Variants in PKHD1L1 observed in about 807,000 individuals in gnomAD.
PKHD1L1 encodes PKHD1 like 1, also known as fibrocystin-L.
Under a neutral mutation model 462.9 loss-of-function variants are expected in PKHD1L1, and 434 were observed. That is an observed-to-expected ratio of 0.94 (90% CI 0.87 to 1.02). The LOEUF is 1.02. Among genes scored for constraint, PKHD1L1 ranks in the 50% least tolerant of loss-of-function variants. The pLI, the probability that PKHD1L1 is intolerant of heterozygous loss-of-function variation, is 0.00. For synonymous variants in PKHD1L1, 1,781 were observed against 1,750.0 expected, an observed-to-expected ratio of 1.02 and a Z score of -0.44; for missense variants, 5,202 against 5,096.1, an observed-to-expected ratio of 1.02 and a Z score of -0.63.
At chr8:109,517,209 C>T (rs1421535545) in intron 72 of PKHD1L1, among the ~76,000 whole-genome samples, 2 of 152,090 alleles carry the variant, frequency 1.3e-5, no homozygotes, top group African/African-American at 2.4e-5. Flanking sequence ...TTTTCTGAAA[C>T]AGCGTTGCTT....
In PKHD1L1 at chr8:109,510,837, A is replaced by C; in HGVS notation, c.11456A>C (p.His3819Pro). ...YTCQRRLSLF[H>P]SIVALNKSYE... ...TGCCAGAGAAGGCTGTCCCTGTTTCACAGCATTGTGGCTCTGAACAAATCT... is the reference window on the plus strand; with the variant it reads ...TGCCAGAGAAGGCTGTCCCTGTTTCCCAGCATTGTGGCTCTGAACAAATCT... Residue 3819 changes from histidine to proline, a missense_variant, in exon 71 of 78, where the codon CAC (histidine) becomes CCC (proline). This residue lies in a region of PKHD1L1 where 698 missense variants were observed against 736.3 expected (regional missense o/e 0.95). Transcript: ENST00000378402. 1 of 1,613,340 alleles carries C rather than the reference A, an allele frequency of 6.2e-7. No individual in the cohort carries two copies. Among genetic ancestry groups the C allele is most frequent in the Non-Finnish European group, 8.5e-7 (1 of 1,179,498 alleles).
At chr8:109,524,251 C>T (rs1400473122) in intron 76 of PKHD1L1, among the ~76,000 whole-genome samples, 1 of 152,166 alleles carries the variant, frequency 6.6e-6, no homozygotes, top group African/African-American at 2.4e-5. Flanking sequence ...AGTGGCACCC[C>T]TCTCCCCAGT....
chr8:109,388,447 A>G, intron 6 of PKHD1L1, 50 bp from the exon 7 acceptor site: 2 of 1,350,096 alleles, frequency 1.5e-6, no homozygotes, highest in Non-Finnish European at 1.0e-6. Flanking sequence ...CATTTTTGAA[A>G]CAATTTGTTA....
chr8:109,430,066 G>A, intron 27 of PKHD1L1, 29 bp downstream of exon 27: 1 of 1,418,904 alleles, frequency 7.0e-7, no homozygotes, highest in Non-Finnish European at 9.7e-7. Context: ...ACCTATACTG[G>A]GTGTGAAAGA....
intron 13 of PKHD1L1, 95 bp from the exon 14 acceptor site, chr8:109,401,402 T>A: frequency 1.4e-6 from 1 of 721,124 alleles, no homozygotes; most frequent in South Asian, 2.0e-5. Context: ...TTATGAAACT[T>A]CTAAAACTGA....
chr8:109,365,718 G>A (rs888321201), intron 2 of PKHD1L1, among the ~76,000 whole-genome samples: 1 of 152,204 alleles, frequency 6.6e-6, no homozygotes, highest in East Asian at 1.9e-4. Flanking sequence ...GCTCAAGCCC[G>A]TAATTCCAGC....
rs1447092185 is a variant in PKHD1L1, at chr8:109,448,167, T to A, written c.5801T>A (p.Ile1934Asn). The A allele has an allele frequency of 6.2e-7, 1 of 1,608,712 alleles. No individual in the cohort carries two copies. The highest frequency in any genetic ancestry group is 8.5e-7 in the Non-Finnish European group (1 of 1,177,168). Residue 1934 changes from isoleucine to asparagine, a missense_variant, in exon 39 of 78, where the codon ATC becomes AAC. Ile to Asn is a moderately radical substitution (Grantham distance 149). Around this residue, in one of 3 missense-constraint regions of PKHD1L1, gnomAD observed 4,497 missense variants for 4,336.8 expected, o/e 1.04. Coordinates refer to ENST00000378402, the MANE Select transcript of PKHD1L1 (RefSeq NM_177531.6). ...SRGPPGTEIE[I>N]TGSNFGFEIL... ...GGTCCACCAGGAACTGAAATTGAGA[T>A]CACTGGATCCAACTTTGGCTTTGAG...
chr8:109,524,471 G>T (rs1820715230), intron 76 of PKHD1L1, among the ~76,000 whole-genome samples: 1 of 152,054 alleles, frequency 6.6e-6, no homozygotes, highest in Non-Finnish European at 1.5e-5. Context: ...GAGGCAGCTG[G>T]CAAGAATCCT....
At chr8:109,363,226 C>G (rs1022801776) in intron 1 of PKHD1L1, among the ~76,000 whole-genome samples, 2 of 152,104 alleles carry the variant, frequency 1.3e-5, no homozygotes, top group Non-Finnish European at 2.9e-5. Flanking sequence ...CTGAGATAGG[C>G]GAGGAGCAGC....
At chr8:109,428,264 A>G (rs1386390776) in intron 25 of PKHD1L1, among the ~76,000 whole-genome samples, 2 of 152,206 alleles carry the variant, frequency 1.3e-5, no homozygotes, top group African/African-American at 2.4e-5. Context: ...TCACTGCAGC[A>G]TTATTTGTAA....
In PKHD1L1 at chr8:109,382,448, T is replaced by G; in HGVS notation, c.309-15T>G. 1 of 1,588,508 alleles carries G rather than the reference T, an allele frequency of 6.3e-7. No individual in the cohort carries two copies. The highest frequency in any genetic ancestry group is 2.3e-5 in the East Asian group (1 of 43,586). ...AGGAATTGCATGTCTCATATATTCT[T>G]CATTTTCTTTATAGAGCAATGCCGG... On this transcript the variant is annotated splice_polypyrimidine_tract_variant and intron_variant, in intron 3 of 77. Coordinates refer to ENST00000378402, the MANE Select transcript of PKHD1L1 (RefSeq NM_177531.6).
chr8:109,475,702 C>A (rs1327313856), intron 51 of PKHD1L1, among the ~76,000 whole-genome samples: 1 of 151,072 alleles, frequency 6.6e-6, no homozygotes, highest in Non-Finnish European at 1.5e-5. Context: ...AAAAGATTAG[C>A]CGGGTGTGGT....
At chr8:109,365,866 C>A (rs1334398058) in intron 2 of PKHD1L1, among the ~76,000 whole-genome samples, 1 of 152,068 alleles carries the variant, frequency 6.6e-6, no homozygotes, top group Non-Finnish European at 1.5e-5. Context: ...CTCAGCTACC[C>A]AGGAGCCTGA....
At position 109,513,591 on chromosome 8, in the gene PKHD1L1, T is replaced by A. The variant is rs369051235; in HGVS notation, c.11554-1579T>A. Among the ~76,000 whole-genome samples, 17 of 152,178 alleles carry A rather than the reference T, an allele frequency of 1.1e-4. No individual in the cohort carries two copies. In the East Asian group the frequency reaches 2.1e-3, roughly 19 times the overall value. On this transcript the variant is annotated intron_variant, in intron 71 of 77. Transcript: ENST00000378402. ...TTTCTTTTCTAAGAATATGAGACTT[T>A]AAAGTCCCAGGGTGTTTAATGTGAA...
Position 109,444,696 on chromosome 8 carries a change from A to T in PKHD1L1, c.4827A>T (p.Glu1609Asp). The part of the protein sequence containing the change: ...TIGSYPCVVE[E>D]SSEDSITCHI... ...GTAGCTACCCCTGTGTCGTAGAAGAAAGTAGTGAGGATTCAATTACATGTC... is the reference window on the plus strand; with the variant it reads ...GTAGCTACCCCTGTGTCGTAGAAGATAGTAGTGAGGATTCAATTACATGTC... Residue 1609 changes from glutamate to aspartate, a missense_variant, in exon 38 of 78, where the codon GAA (glutamate) becomes GAT (aspartate). Physicochemically the swap from Glu to Asp is conservative, Grantham distance 45. Around this residue, in one of 3 missense-constraint regions of PKHD1L1, gnomAD observed 4,497 missense variants for 4,336.8 expected, o/e 1.04. Transcript: ENST00000378402. The T allele has an allele frequency of 6.2e-7, 1 of 1,613,884 alleles. No homozygotes were observed. The highest frequency in any genetic ancestry group is 8.5e-7 in the Non-Finnish European group (1 of 1,179,780).
At chr8:109,375,485 CCTT>C (rs1292531347) in intron 2 of PKHD1L1, among the ~76,000 whole-genome samples, 2 of 152,100 alleles carry the variant, frequency 1.3e-5, no homozygotes, top group African/African-American at 4.8e-5. Flanking sequence ...TCTTCTGAAG[CCTT>C]CTTCTCTCAA....
At chr8:109,449,803 G>T (rs1364958561) in intron 40 of PKHD1L1, among the ~76,000 whole-genome samples, 2 of 152,284 alleles carry the variant, frequency 1.3e-5, no homozygotes, top group Non-Finnish European at 2.9e-5. Flanking sequence ...TTCCATTAAA[G>T]ATAGGAGTTT....
intron 46 of PKHD1L1, 89 bp downstream of exon 46, chr8:109,456,480 AT>A: frequency 5.5e-6 from 7 of 1,269,580 alleles, no homozygotes; most frequent in Non-Finnish European, 7.2e-6. Flanking sequence ...GTGCATGACT[AT>A]TTGGTTTAAA....
intron 24 of PKHD1L1, 48 bp downstream of exon 24, chr8:109,425,280 T>C (rs1259975660): frequency 2.8e-6 from 4 of 1,404,602 alleles, no homozygotes; most frequent in East Asian, 2.5e-5. Context: ...CACACATATG[T>C]ATAACCTTAT....
Sources: gnomAD v4.1 joint callset for allele counts (sites outside exome capture counted in the v4.1 genomes callset) on GRCh38, gnomAD v4.1.1 for gene constraint, gnomAD v4.1.1 regional missense constraint, MANE v1.5 for transcripts, NCBI Gene and HGNC (gene_info 2026-07-23, HGNC 2026-07-21) for gene names.